Variants in ATP6AP2 observed in about 807,000 individuals in gnomAD.
The protein encoded by ATP6AP2 is ATPase H+ transporting accessory protein 2.
A neutral mutation model predicts 23.4 loss-of-function variants in ATP6AP2; 1 was observed. The ratio of observed to expected loss-of-function variants is 0.04; its 90% confidence interval spans 0.02 to 0.20. ATP6AP2 has a LOEUF of 0.20. Ranked by LOEUF, ATP6AP2 falls within the 10% of genes least tolerant of loss-of-function variation. ATP6AP2 has a pLI of 1.00. For synonymous variants in ATP6AP2, 90 were observed against 97.1 expected (o/e 0.93, Z 0.43); for missense variants, 174 against 271.3 (o/e 0.64, Z 2.52).
At chrX:40,602,939 TTTGGA>T (rs1926972772) in intron 8 of ATP6AP2, among the ~76,000 whole-genome samples, 1 of 11,690 alleles carries the variant, frequency 8.6e-5, no homozygotes, top group African/African-American at 1.6e-4. Flanking sequence ...TTTTTTTTTT[TTTGGA>T]TTTTTTGGAG....
Position 40,599,653 on chromosome X carries a change from C to A in ATP6AP2, c.650C>A (p.Ala217Glu). 8.3e-7 allele frequency: 1 copy of A among 1,210,784 alleles called. No individual in the cohort carries two copies. The highest frequency in any genetic ancestry group is 2.2e-5 in the Admixed American group (1 of 46,009). ...CCTGATTTATATTCACTGGAGCTGG[C>A]AGGTTTGGATGAAATTGGGAAGCGT... Reference protein sequence around the residue: ...HSPDLYSLELAGLDEIGKRYG... With the variant: ...HSPDLYSLELEGLDEIGKRYG... Residue 217 changes from alanine (A) to glutamate (E), a missense_variant, in exon 7 of 9, where the codon GCA becomes GAA. Physicochemically the swap from Ala to Glu is moderately radical, Grantham distance 107. Transcript: ENST00000636580.
chrX:40,582,604 A>G (rs367892917), intron 1 of ATP6AP2, among the ~76,000 whole-genome samples: 8 of 111,653 alleles, frequency 7.2e-5, no homozygotes, highest in Non-Finnish European at 1.5e-4. Context: ...CCATGCCCCA[A>G]ACGTTTTCGA....
chrX:40,588,298 C>T (rs1302226978), intron 1 of ATP6AP2, among the ~76,000 whole-genome samples: 1 of 106,143 alleles, frequency 9.4e-6, no homozygotes, highest in Non-Finnish European at 1.9e-5. Context: ...TTTCTAAAGT[C>T]TGAAGTGTTT....
chrX:40,593,017 G>A (rs1474915668), intron 3 of ATP6AP2, among the ~76,000 whole-genome samples: 1 of 112,390 alleles, frequency 8.9e-6, no homozygotes, highest in East Asian at 2.8e-4. Flanking sequence ...AGAGGCCAAG[G>A]CGGGTGAATC....
At chrX:40,593,577 T>G (rs1451898919) in intron 3 of ATP6AP2, among the ~76,000 whole-genome samples, 1 of 110,412 alleles carries the variant, frequency 9.1e-6, no homozygotes, top group Non-Finnish European at 1.9e-5. Context: ...CGCAATGTCA[T>G]CTCACTGCAA....
intron 8 of ATP6AP2, 75 bp from the exon 9 acceptor site, chrX:40,605,486 A>T: frequency 1.1e-6 from 1 of 887,799 alleles, no homozygotes; most frequent in Non-Finnish European, 1.6e-6. Context: ...CAAATGAATC[A>T]CAGTCACTAG....
intron 3 of ATP6AP2, 132 bp downstream of exon 3, chrX:40,591,497 C>A: frequency 1.2e-6 from 1 of 808,780 alleles, no homozygotes; most frequent in South Asian, 2.4e-5. Flanking sequence ...AATTCTTTGA[C>A]AAACACAATT....
At chrX:40,596,974 C>A in intron 3 of ATP6AP2, 1 of 272,373 alleles carries the variant, frequency 3.7e-6, no homozygotes, top group Non-Finnish European at 6.5e-6. Flanking sequence ...CATGAATGAC[C>A]ACCAGAAAAT....
Position 40,606,065 on chromosome X carries a change from C to T in ATP6AP2, c.*310C>T, listed in dbSNP as rs1043475491. ...AAGAAATGTAAAACATTTAGAATAG[C>T]TCGTGTTATGGAAAAAAGTGCACTG... is the stretch of plus-strand genomic sequence containing the variant. On this transcript the variant is annotated 3_prime_UTR_variant, in exon 9 of 9. Coordinates refer to ENST00000636580, the MANE Select transcript of ATP6AP2 (RefSeq NM_005765.3). The T allele has an allele frequency of 4.2e-5, 10 of 240,414 alleles. No homozygotes were observed. The highest frequency in any genetic ancestry group is 2.3e-4 in the African/African-American group (8 of 35,266). 19.8% of individuals were successfully genotyped at this position (240,414 alleles called of 1,213,427 possible).
At chrX:40,605,194 T>C in intron 8 of ATP6AP2, 1 of 153,367 alleles carries the variant, frequency 6.5e-6, no homozygotes, top group Non-Finnish European at 1.3e-5. Flanking sequence ...CCTCCCGAAG[T>C]GCTGAGATTA....
At chrX:40,601,010 T>A in intron 8 of ATP6AP2, 129 bp downstream of exon 8, 1 of 700,492 alleles carries the variant, frequency 1.4e-6, no homozygotes, top group Non-Finnish European at 2.1e-6. Context: ...ACAATTTCAG[T>A]TAAAACGTAA....
chrX:40,598,671 C>A lies in ATP6AP2; in HGVS notation c.535-10C>A. The A allele has an allele frequency of 8.3e-7, 1 of 1,206,600 alleles. No individual in the cohort carries two copies. The highest frequency in any genetic ancestry group is 1.1e-6 in the Non-Finnish European group (1 of 892,042). ...TAAAAGAATGCTCTTTTTTTTTGGG[C>A]TCTCTGAAGGTTGACCTGCTCTTTC... On this transcript the variant is annotated splice_polypyrimidine_tract_variant and intron_variant, in intron 5 of 8. Coordinates refer to ENST00000636580, the MANE Select transcript of ATP6AP2 (RefSeq NM_005765.3).
rs1228046283 is a variant in ATP6AP2 at position 40,605,877 on chromosome X, G to A, written c.*122G>A. 9.1e-6 allele frequency: 6 copies of A among 658,643 alleles called. No individual in the cohort carries two copies. In the Admixed American group the frequency reaches 2.0e-4, roughly 22 times the overall value. The allele number at this position is 658,643 out of a possible 1,213,427, so 54.3% of individuals were successfully genotyped here. On this transcript the variant is annotated 3_prime_UTR_variant, in exon 9 of 9. Transcript: ENST00000636580. ...CATTTATAAAAAAAAATCAAATTTT[G>A]TTCTTTATTTTGTGTGTGCCTGTGA...
chrX:40,582,782 C>T (rs1926363030), intron 1 of ATP6AP2, among the ~76,000 whole-genome samples: 1 of 111,979 alleles, frequency 8.9e-6, no homozygotes. Context: ...AATATTTTGA[C>T]TGATATTATT....
In ATP6AP2 at chrX:40,597,217, A is replaced by G. The variant is rs200933554; in HGVS notation, c.301-32A>G. ...GATTTTTCTTCCCACTTTGGTTCACATAATAATTGCGTTCTTACTCTTAAA... is the reference window on the plus strand; with the variant it reads ...GATTTTTCTTCCCACTTTGGTTCACGTAATAATTGCGTTCTTACTCTTAAA... On this transcript the variant is annotated intron_variant, in intron 3 of 8. Transcript: ENST00000636580. 31 of 1,070,634 alleles carry G rather than the reference A, an allele frequency of 2.9e-5. 1 individual carries two copies. Among genetic ancestry groups the G allele is most frequent in the Middle Eastern group, 2.5e-4 (1 of 4,028 alleles). The allele number at this position is 1,070,634 out of a possible 1,213,427, so 88.2% of individuals were successfully genotyped here.
At position 40,606,124 on chromosome X, in the gene ATP6AP2, C is replaced by T. The variant is rs1927064832; in HGVS notation, c.*369C>T. On this transcript the variant is annotated 3_prime_UTR_variant, in exon 9 of 9. Transcript: ENST00000636580. ...AGACAAACTTACGAATGCTTAACTTCTTTACACAGCATAGGTGAAAATCAT... is the reference window on the plus strand; with the variant it reads ...AGACAAACTTACGAATGCTTAACTTTTTTACACAGCATAGGTGAAAATCAT... 1 of 186,370 alleles carries T rather than the reference C, an allele frequency of 5.4e-6. No individual in the cohort carries two copies. Among genetic ancestry groups the T allele is most frequent in the African/African-American group, 3.0e-5 (1 of 33,265 alleles). The allele number at this position is 186,370 out of a possible 1,213,427, so 15.4% of individuals were successfully genotyped here.
intron 3 of ATP6AP2, among the ~76,000 whole-genome samples, chrX:40,593,191 G>A (rs1926682807): frequency 9.1e-6 from 1 of 110,479 alleles, no homozygotes; most frequent in Non-Finnish European, 1.9e-5. Flanking sequence ...AGGTTGCAGT[G>A]AGCTGGGATT....
Position 40,593,450 on chromosome X carries a change from C to T in ATP6AP2, c.300+2085C>T, listed in dbSNP as rs143477859. Among the ~76,000 whole-genome samples, 216 of 110,913 alleles carry T rather than the reference C, an allele frequency of 1.9e-3. 3 individuals carry two copies. Among genetic ancestry groups the T allele is most frequent in the Admixed American group, 0.019 (201 of 10,333 alleles). ...ATCCATGTTGCAAATGACAGTTTCC[C>T]GCGCTTTAAAGGCTGTATAGTATTC... is the stretch of plus-strand genomic sequence containing the variant. On this transcript the variant is annotated intron_variant, in intron 3 of 8. Coordinates refer to ENST00000636580, the MANE Select transcript of ATP6AP2 (RefSeq NM_005765.3).
intron 3 of ATP6AP2, among the ~76,000 whole-genome samples, chrX:40,593,406 C>CATA (rs1461045799): frequency 3.6e-5 from 4 of 112,064 alleles, no homozygotes; most frequent in African/African-American, 9.7e-5. Flanking sequence ...CTTCACTTAA[C>CATA]ATAATGTCCT....
Sources: gnomAD v4.1 joint callset for allele counts (sites outside exome capture counted in the v4.1 genomes callset) on GRCh38, gnomAD v4.1.1 for gene constraint, MANE v1.5 for transcripts, NCBI Gene and HGNC (gene_info 2026-07-23, HGNC 2026-07-21) for gene names.